Variants in CNTN6 observed in about 807,000 individuals in gnomAD.
The protein encoded by CNTN6 is contactin 6.
Under a neutral mutation model 122.8 loss-of-function variants are expected in CNTN6, and 137 were observed. That is an observed-to-expected ratio of 1.12 (90% confidence interval 0.97 to 1.29). CNTN6 has a LOEUF of 1.29. Among genes scored for constraint, CNTN6 ranks in the 50% most tolerant of loss-of-function variants. The pLI, the probability that CNTN6 is intolerant of heterozygous loss-of-function variation, is 0.00. For missense variants in CNTN6, 1,634 were observed against 1,223.4 expected, an observed-to-expected ratio of 1.34 and a Z score of -5.01; for synonymous variants, 570 against 426.0, an observed-to-expected ratio of 1.34 and a Z score of -4.16.
At chr3:1,202,188 C>T (rs754072650) in intron 2 of CNTN6, among the ~76,000 whole-genome samples, 15 of 152,138 alleles carry the variant, frequency 9.9e-5, no homozygotes, top group Non-Finnish European at 1.3e-4. Context: ...ATAAAGAACA[C>T]AAAGAAAGAA....
At chr3:1,096,192 C>T (rs1356821821) in intron 1 of CNTN6, among the ~76,000 whole-genome samples, 1 of 152,074 alleles carries the variant, frequency 6.6e-6, no homozygotes. Context: ...GGTCTGTCTG[C>T]AATTTCCGTC....
At chr3:1,110,509 T>G (rs1291484962) in intron 1 of CNTN6, among the ~76,000 whole-genome samples, 1 of 152,090 alleles carries the variant, frequency 6.6e-6, no homozygotes, top group Non-Finnish European at 1.5e-5. Flanking sequence ...ATTCTAACCT[T>G]TGAACATTTC....
At chr3:1,311,692 A>T (rs1353550957) in intron 7 of CNTN6, among the ~76,000 whole-genome samples, 1 of 151,492 alleles carries the variant, frequency 6.6e-6, no homozygotes, top group East Asian at 2.0e-4. Flanking sequence ...TTTCTCCCCC[A>T]AAGGATAACT....
At chr3:1,246,699 T>C (rs1398953909) in intron 4 of CNTN6, among the ~76,000 whole-genome samples, 4 of 152,192 alleles carry the variant, frequency 2.6e-5, no homozygotes, top group Admixed American at 6.5e-5. Context: ...TCAGTCTTTT[T>C]AAAAATTTTA....
At chr3:1,220,176 G>A (rs1049024721) in intron 2 of CNTN6, among the ~76,000 whole-genome samples, 6 of 151,440 alleles carry the variant, frequency 4.0e-5, no homozygotes, top group Admixed American at 6.6e-5. Flanking sequence ...AGCAACAGAA[G>A]GTGACTCCAT....
At chr3:1,251,706 A>G (rs904398955) in intron 4 of CNTN6, among the ~76,000 whole-genome samples, 2 of 152,110 alleles carry the variant, frequency 1.3e-5, no homozygotes, top group African/African-American at 4.8e-5. Context: ...CAAAGATGTT[A>G]CTGTATTGCC....
rs1705784678 is a variant in CNTN6 at position 1,352,378 on chromosome 3, T to C, written c.1419T>C (p.Asp473=). Reference sequence around the variant, plus strand: ...AGATATATAATATTACCAGGTCAGATGCTGGATCATATACATGCATAGCCA... The same window carrying C: ...AGATATATAATATTACCAGGTCAGACGCTGGATCATATACATGCATAGCCA... ...SLKIYNITRS[D]AGSYTCIATN... Residue 473 remains aspartate, a synonymous_variant, in exon 12 of 23, where the codon GAT becomes GAC. Coordinates refer to ENST00000446702, the MANE Select transcript of CNTN6 (RefSeq NM_001289080.2). 1 of 1,597,708 alleles carries C rather than the reference T, an allele frequency of 6.3e-7. No individual in the cohort carries two copies. The highest frequency in any genetic ancestry group is 8.5e-7 in the Non-Finnish European group (1 of 1,169,762).
At chr3:1,150,289 A>G (rs1463458827) in intron 2 of CNTN6, among the ~76,000 whole-genome samples, 1 of 152,170 alleles carries the variant, frequency 6.6e-6, no homozygotes, top group Non-Finnish European at 1.5e-5. Context: ...TTTTTCCAAA[A>G]CATACTTTTT....
intron 4 of CNTN6, among the ~76,000 whole-genome samples, chr3:1,277,104 G>A (rs190160882): frequency 1.3e-5 from 2 of 152,110 alleles, no homozygotes; most frequent in Non-Finnish European, 2.9e-5. Context: ...GGTTAGACAA[G>A]CATGTTTGAT....
intron 4 of CNTN6, among the ~76,000 whole-genome samples, chr3:1,267,316 G>T (rs2094942306): frequency 6.6e-6 from 1 of 152,034 alleles, no homozygotes; most frequent in Non-Finnish European, 1.5e-5. Context: ...CTGGGTAGTA[G>T]TCCCTATTCA....
intron 2 of CNTN6, among the ~76,000 whole-genome samples, chr3:1,191,475 T>G (rs1253398841): frequency 6.6e-6 from 1 of 152,214 alleles, no homozygotes; most frequent in African/African-American, 2.4e-5. Flanking sequence ...ATGTGCCAGG[T>G]GGGTGGTGCA....
At chr3:1,226,350 T>C (rs1371044945) in intron 3 of CNTN6, among the ~76,000 whole-genome samples, 1 of 152,120 alleles carries the variant, frequency 6.6e-6, no homozygotes, top group Non-Finnish European at 1.5e-5. Flanking sequence ...CATTCACTTG[T>C]TTTCCTAGAT....
intron 4 of CNTN6, among the ~76,000 whole-genome samples, chr3:1,238,215 C>A (rs770084141): frequency 1.4e-4 from 22 of 152,074 alleles, no homozygotes; most frequent in Non-Finnish European, 1.3e-4. Context: ...CAGAAGAACT[C>A]AAATTTACTT....
chr3:1,326,059 T>C lies in CNTN6; in HGVS notation c.1083+108T>C, dbSNP rs1701501766. The C allele has an allele frequency of 5.2e-6, 5 of 959,172 alleles. No individual in the cohort carries two copies. The South Asian group carries it at 8.9e-5, about 17-fold the overall frequency. 59.4% of individuals were successfully genotyped at this position (959,172 alleles called of 1,614,324 possible). ...CAGCTAATGTTAATGGAGTCTTTGGTATGTTCCAGGAAAGGATGCATACAC... is the reference window on the plus strand; with the variant it reads ...CAGCTAATGTTAATGGAGTCTTTGGCATGTTCCAGGAAAGGATGCATACAC... On this transcript the variant is annotated intron_variant, in intron 9 of 22. Coordinates refer to ENST00000446702, the MANE Select transcript of CNTN6 (RefSeq NM_001289080.2).
chr3:1,203,332 T>C (rs530317094), intron 2 of CNTN6, among the ~76,000 whole-genome samples: 4 of 152,280 alleles, frequency 2.6e-5, no homozygotes, highest in African/African-American at 9.6e-5. Context: ...GCAAGATCCC[T>C]GAGACAGTAA....
At chr3:1,301,775 T>C (rs1018511946) in intron 7 of CNTN6, among the ~76,000 whole-genome samples, 8 of 152,218 alleles carry the variant, frequency 5.3e-5, no homozygotes, top group Non-Finnish European at 2.9e-5. Flanking sequence ...ACATTTTGTG[T>C]AGTTGGAGTG....
intron 4 of CNTN6, among the ~76,000 whole-genome samples, chr3:1,256,053 T>C (rs544886898): frequency 6.6e-6 from 1 of 152,106 alleles, no homozygotes; most frequent in East Asian, 1.9e-4. Flanking sequence ...GATTTTTTTG[T>C]AGAGACAAGG....
intron 2 of CNTN6, among the ~76,000 whole-genome samples, chr3:1,185,111 A>T (rs2093610184): frequency 6.6e-6 from 1 of 152,156 alleles, no homozygotes; most frequent in Admixed American, 6.5e-5. Context: ...TATTTCTAAA[A>T]TTTGTGAAAT....
chr3:1,117,011 G>A (rs140036866), intron 1 of CNTN6, among the ~76,000 whole-genome samples: 10 of 152,148 alleles, frequency 6.6e-5, no homozygotes, highest in African/African-American at 1.9e-4. Flanking sequence ...GCACCCAGCC[G>A]GGGAATGCCA....
Sources: gnomAD v4.1 joint callset for allele counts (sites outside exome capture counted in the v4.1 genomes callset) on GRCh38, gnomAD v4.1.1 for gene constraint, MANE v1.5 for transcripts, NCBI Gene and HGNC (gene_info 2026-07-23, HGNC 2026-07-21) for gene names.